Variants in EFCAB5 observed in about 807,000 individuals in gnomAD.
EFCAB5 encodes EF-hand calcium-binding domain-containing protein 5.
EFCAB5 carries 131 observed loss-of-function variants against 167.9 expected under a neutral mutation model. The observed-to-expected ratio is 0.78, with a 90% confidence interval of 0.68 to 0.90. The LOEUF is 0.90. Among genes scored for constraint, EFCAB5 ranks in the 40% least tolerant of loss-of-function variants. EFCAB5 has a pLI of 0.00. For missense variants in EFCAB5, 1,663 were observed against 1,745.2 expected, an observed-to-expected ratio of 0.95 and a Z score of 0.84; for synonymous variants, 574 against 602.8, an observed-to-expected ratio of 0.95 and a Z score of 0.70.
intron 14 of EFCAB5, among the ~76,000 whole-genome samples, chr17:30,072,931 A>G (rs2070777362): frequency 6.6e-6 from 1 of 151,874 alleles, no homozygotes; most frequent in Non-Finnish European, 1.5e-5. Context: ...TTCCTTTTTT[A>G]TTCAATGGGT....
chr17:30,071,855 A>G (rs754718454), intron 14 of EFCAB5, among the ~76,000 whole-genome samples: 2 of 152,210 alleles, frequency 1.3e-5, no homozygotes, highest in Non-Finnish European at 2.9e-5. Flanking sequence ...AACGTAGATG[A>G]GCTTGGAGGG....
chr17:30,002,286 G>C (rs532050831), intron 7 of EFCAB5, among the ~76,000 whole-genome samples: 1 of 152,050 alleles, frequency 6.6e-6, no homozygotes, highest in African/African-American at 2.4e-5. Context: ...GTTATATTTT[G>C]CATGACTTTA....
chr17:30,102,287 T>C (rs2071392421), intron 22 of EFCAB5, among the ~76,000 whole-genome samples: 1 of 152,154 alleles, frequency 6.6e-6, no homozygotes, highest in African/African-American at 2.4e-5. Flanking sequence ...TGTTGGGACT[T>C]TGAGGCAATG....
intron 6 of EFCAB5, among the ~76,000 whole-genome samples, chr17:29,997,602 C>T (rs1191698965): frequency 6.6e-6 from 1 of 151,972 alleles, no homozygotes. Flanking sequence ...TATAATTCTC[C>T]CTCAAATTTT....
intron 4 of EFCAB5, among the ~76,000 whole-genome samples, chr17:29,969,892 AG>A (rs780170629): frequency 7.2e-5 from 11 of 152,154 alleles, no homozygotes; most frequent in Non-Finnish European, 1.2e-4. Context: ...TTTACACAAA[AG>A]CATGTGATAC....
At chr17:30,097,046 ATACATATATATATAT>A (rs2071309860) in intron 22 of EFCAB5, among the ~76,000 whole-genome samples, 1 of 86,052 alleles carries the variant, frequency 1.2e-5, no homozygotes, top group African/African-American at 5.7e-5. Context: ...ACATATACAT[ATACATATATATATAT>A]TTTTTTTTTT....
At chr17:30,100,722 G>A (rs1176489279) in intron 22 of EFCAB5, among the ~76,000 whole-genome samples, 2 of 151,760 alleles carry the variant, frequency 1.3e-5, no homozygotes, top group South Asian at 2.1e-4. Flanking sequence ...AGCCAAGATC[G>A]CACCACTGTG....
chr17:30,090,611 C>T lies in EFCAB5; in HGVS notation c.3874C>T (p.Gln1292Ter). 1 of 1,613,848 alleles carries T rather than the reference C, an allele frequency of 6.2e-7. No individual in the cohort carries two copies. Among genetic ancestry groups the T allele is most frequent in the Non-Finnish European group, 8.5e-7 (1 of 1,179,872 alleles). Residue 1292 changes from glutamine to a stop codon, truncating the protein, a stop_gained, in exon 20 of 23, where the codon CAA (glutamine) becomes TAA (stop). Transcript: ENST00000394835. LOFTEE classifies it high-confidence loss of function. ...TCTACAGAAAATGATGAAAGTGGTC[C>T]AAGTGGCCTGCTATGAAATACTTGG... Reference protein sequence around the residue: ...KDLQKMMKVVQVACYEILGEF... With the variant: ...KDLQKMMKVV
intron 7 of EFCAB5, among the ~76,000 whole-genome samples, chr17:30,029,161 A>G (rs899508843): frequency 6.6e-6 from 1 of 152,188 alleles, no homozygotes; most frequent in African/African-American, 2.4e-5. Flanking sequence ...AGAAGAGTTA[A>G]AAGTATGTTA....
chr17:29,996,698 G>T (rs2068550883), intron 6 of EFCAB5, among the ~76,000 whole-genome samples: 1 of 152,126 alleles, frequency 6.6e-6, no homozygotes, highest in South Asian at 2.1e-4. Flanking sequence ...AAAAGTAAAG[G>T]CATAAGAAAA....
At position 30,053,697 on chromosome 17, in the gene EFCAB5, G is replaced by A. The variant is rs1024329567; in HGVS notation, c.1743G>A (p.Gly581=). The change falls in exon 10 of 23, where the codon GGG becomes GGA. Residue 581 remains glycine (G), a synonymous_variant. Coordinates refer to ENST00000394835, the MANE Select transcript of EFCAB5 (RefSeq NM_198529.4). ...CTACAGAACAAGGACAGCACAAAGG[G>A]TCAATAGAAGGACAAGGACCACGCA... ...ESTTEQGQHK[G]SIEGQGPRRV... is the part of the protein sequence containing the mutation. 2.5e-6 allele frequency: 4 copies of A among 1,613,960 alleles called. No individual in the cohort carries two copies. The highest frequency in any genetic ancestry group is 3.4e-6 in the Non-Finnish European group (4 of 1,179,872).
intron 3 of EFCAB5, among the ~76,000 whole-genome samples, chr17:29,953,832 G>C (rs1240153493): frequency 1.3e-5 from 2 of 152,248 alleles, no homozygotes; most frequent in Non-Finnish European, 2.9e-5. Context: ...GAACTTCCTA[G>C]AGACTTGTTG....
At chr17:30,071,055 C>T (rs1034688273) in intron 14 of EFCAB5, among the ~76,000 whole-genome samples, 3 of 144,700 alleles carry the variant, frequency 2.1e-5, no homozygotes, top group African/African-American at 7.7e-5. Flanking sequence ...ATGAGGGAAA[C>T]ACTTCAGGAC....
intron 4 of EFCAB5, among the ~76,000 whole-genome samples, chr17:29,971,936 C>A (rs2067962648): frequency 6.6e-6 from 1 of 151,950 alleles, no homozygotes; most frequent in Admixed American, 6.6e-5. Flanking sequence ...AATATATATT[C>A]AATATATTTT....
intron 3 of EFCAB5, among the ~76,000 whole-genome samples, chr17:29,953,953 A>G (rs779950137): frequency 5.3e-5 from 8 of 152,338 alleles, no homozygotes; most frequent in Admixed American, 2.6e-4. Flanking sequence ...GTGACTTGCT[A>G]TGTTTTAGCA....
chr17:29,974,609 G>A (rs2068027210), intron 4 of EFCAB5, among the ~76,000 whole-genome samples: 1 of 150,960 alleles, frequency 6.6e-6, no homozygotes, highest in Admixed American at 6.6e-5. Flanking sequence ...CAAAAAACTA[G>A]AAAAAAACAG....
intron 13 of EFCAB5, chr17:30,059,289 G>C (rs2070361379): frequency 1.4e-5 from 4 of 279,656 alleles, no homozygotes; most frequent in Non-Finnish European, 2.6e-5. Flanking sequence ...TTTTAAGACT[G>C]AGGTCTCACT....
intron 4 of EFCAB5, among the ~76,000 whole-genome samples, chr17:29,974,798 G>A (rs1221661871): frequency 2.0e-5 from 3 of 152,118 alleles, no homozygotes; most frequent in Non-Finnish European, 4.4e-5. Context: ...AAATGAGAGA[G>A]CATGGCTGTG....
At chr17:29,958,668 G>A (rs867921776) in intron 3 of EFCAB5, among the ~76,000 whole-genome samples, 15 of 152,092 alleles carry the variant, frequency 9.9e-5, no homozygotes, top group African/African-American at 3.4e-4. Flanking sequence ...GTTTGATAAG[G>A]TCATGATGTT....
Sources: allele counts gnomAD v4.1 joint callset (sites outside exome capture counted in the v4.1 genomes callset), GRCh38; gene constraint gnomAD v4.1.1; transcripts MANE v1.5; gene names NCBI Gene and HGNC (gene_info 2026-07-23, HGNC 2026-07-21).